Variants in RAPGEF4 observed in about 807,000 individuals in gnomAD.
RAPGEF4 encodes RAP guanine-nucleotide-exchange factor (GEF) 4.
A neutral mutation model predicts 147.9 loss-of-function variants in RAPGEF4; 66 were observed. The observed-to-expected ratio is 0.45, with a 90% CI of 0.37 to 0.55. The LOEUF is 0.55. RAPGEF4 is among the 20% of genes least tolerant of loss of function. RAPGEF4 has a pLI of 0.00. For missense variants in RAPGEF4, 1,071 were observed against 1,257.3 expected (o/e 0.85, Z 2.24); for synonymous variants, 419 against 442.7 (o/e 0.95, Z 0.67).
At chr2:173,032,888 C>T (rs1257086408) in intron 26 of RAPGEF4, among the ~76,000 whole-genome samples, 2 of 152,196 alleles carry the variant, frequency 1.3e-5, no homozygotes, top group East Asian at 3.8e-4. Context: ...AAGCCTCCTC[C>T]CAGATGACCC....
At chr2:172,884,195 A>T (rs1258031525) in intron 4 of RAPGEF4, among the ~76,000 whole-genome samples, 1 of 152,204 alleles carries the variant, frequency 6.6e-6, no homozygotes, top group Non-Finnish European at 1.5e-5. Context: ...CCTTGCTGGG[A>T]GGCTTCTCCT....
At chr2:172,953,527 G>A (rs1480051176) in intron 6 of RAPGEF4, among the ~76,000 whole-genome samples, 1 of 151,818 alleles carries the variant, frequency 6.6e-6, no homozygotes, top group Non-Finnish European at 1.5e-5. Flanking sequence ...TTTCAACTCA[G>A]TGAAATATAC....
At chr2:172,925,777 A>AAGAGAGAGAGAGACAGAGAGAG in intron 6 of RAPGEF4, among the ~76,000 whole-genome samples, 1 of 133,894 alleles carries the variant, frequency 7.5e-6, no homozygotes, top group Non-Finnish European at 1.6e-5. Flanking sequence ...GAAAGAAAGA[A>AAGAGAGAGAGAGACAGAGAGAG]AGAGAGAGAG....
At position 172,816,600 on chromosome 2, in the gene RAPGEF4, A is replaced by G. The variant is rs149061277; in HGVS notation, c.444+2175A>G. On this transcript the variant is annotated intron_variant, in intron 4 of 30. Transcript: ENST00000397081. Reference sequence around the variant, plus strand: ...TTTCCACAGTTCTTTCCCTTAGAGGAAAAATATTTAATAGGGACATTGATA... The same window carrying G: ...TTTCCACAGTTCTTTCCCTTAGAGGGAAAATATTTAATAGGGACATTGATA... Among the ~76,000 whole-genome samples the G allele has an allele frequency of 2.8e-4, 43 of 152,282 alleles. No individual in the cohort carries two copies. The East Asian group carries it at 8.1e-3, about 29-fold the overall frequency.
At chr2:173,017,238 T>A (rs762495848) in intron 20 of RAPGEF4, 34 bp downstream of exon 20, 8 of 1,598,650 alleles carry the variant, frequency 5.0e-6, no homozygotes, top group Non-Finnish European at 6.9e-6. Context: ...TCTGTCTGTG[T>A]CCTGTAGAAT....
In RAPGEF4 at chr2:172,737,883, G is replaced by T. The variant is rs543847032; in HGVS notation, c.65+1835G>T. On this transcript the variant is annotated intron_variant, in intron 1 of 30. Transcript: ENST00000397081. ...ATGAGGATAGGACTATCAGGGATAA[G>T]TGGACAAATGGAAGGAGAAAAAAAA... Among the ~76,000 whole-genome samples, 31 of 152,258 alleles carry T rather than the reference G, an allele frequency of 2.0e-4. 1 individual carries two copies. The South Asian group carries it at 6.4e-3, about 32-fold the overall frequency.
intron 3 of RAPGEF4, among the ~76,000 whole-genome samples, chr2:172,799,862 C>T (rs1686795648): frequency 6.6e-6 from 1 of 152,114 alleles, no homozygotes; most frequent in Admixed American, 6.5e-5. Context: ...TGCTGACACA[C>T]CAGATGTGAA....
chr2:173,025,923 G>T (rs1338365859), intron 23 of RAPGEF4, among the ~76,000 whole-genome samples: 1 of 152,246 alleles, frequency 6.6e-6, no homozygotes, highest in Non-Finnish European at 1.5e-5. Context: ...TTAGTGAGGG[G>T]TCTTCCAGAA....
At chr2:172,923,303 C>T (rs1684951470) in intron 6 of RAPGEF4, among the ~76,000 whole-genome samples, 2 of 152,160 alleles carry the variant, frequency 1.3e-5, no homozygotes, top group Non-Finnish European at 2.9e-5. Flanking sequence ...GAGTCTCACT[C>T]TGCCACCCAG....
intron 4 of RAPGEF4, among the ~76,000 whole-genome samples, chr2:172,907,830 T>A (rs1041675673): frequency 6.6e-6 from 1 of 152,200 alleles, no homozygotes; most frequent in African/African-American, 2.4e-5. Context: ...ATTATTATTA[T>A]TACTACTACT....
chr2:172,849,502 A>T lies in RAPGEF4; in HGVS notation c.444+35077A>T, dbSNP rs149717833. ...TATCAGTAATGAAAGTAAAAGAATA[A>T]CAGAGCCAGTTTTTTATGTTTGCAC... is the stretch of plus-strand genomic sequence containing the variant. On this transcript the variant is annotated intron_variant, in intron 4 of 30. Coordinates refer to ENST00000397081, the MANE Select transcript of RAPGEF4 (RefSeq NM_007023.4). Among the ~76,000 whole-genome samples, 215 of 152,342 alleles carry T rather than the reference A, an allele frequency of 1.4e-3. 1 individual carries two copies. Among genetic ancestry groups the T allele is most frequent in the African/African-American group, 4.8e-3 (199 of 41,582 alleles).
intron 4 of RAPGEF4, among the ~76,000 whole-genome samples, chr2:172,860,756 A>G (rs1229749583): frequency 6.6e-6 from 1 of 152,022 alleles, no homozygotes; most frequent in Non-Finnish European, 1.5e-5. Context: ...CCTGCTAGAA[A>G]CGCATTATAT....
chr2:172,857,397 C>T (rs1339030075), intron 4 of RAPGEF4, among the ~76,000 whole-genome samples: 2 of 152,198 alleles, frequency 1.3e-5, no homozygotes, highest in East Asian at 3.8e-4. Context: ...TCCTTATGCA[C>T]CAGACTCATC....
chr2:172,938,925 A>G (rs1288197367), intron 6 of RAPGEF4, among the ~76,000 whole-genome samples: 1 of 152,250 alleles, frequency 6.6e-6, no homozygotes, highest in Non-Finnish European at 1.5e-5. Context: ...TATAAATGAC[A>G]TCATGCGGCA....
chr2:172,921,287 C>G (rs1684730776), intron 5 of RAPGEF4, among the ~76,000 whole-genome samples: 1 of 152,002 alleles, frequency 6.6e-6, no homozygotes, highest in Non-Finnish European at 1.5e-5. Context: ...CAGGCTTCAC[C>G]ATGTCGGCCA....
intron 6 of RAPGEF4, among the ~76,000 whole-genome samples, chr2:172,924,210 A>T (rs1685043499): frequency 6.6e-6 from 1 of 152,178 alleles, no homozygotes; most frequent in South Asian, 2.1e-4. Context: ...GGAGGGCTGA[A>T]ATGTTCTAGG....
intron 6 of RAPGEF4, among the ~76,000 whole-genome samples, chr2:172,938,470 G>C (rs889842288): frequency 3.9e-5 from 6 of 152,090 alleles, no homozygotes; most frequent in African/African-American, 1.4e-4. Context: ...GGGCCCCCAT[G>C]GGAAACAAAT....
chr2:173,018,779 T>C lies in RAPGEF4; in HGVS notation c.2132T>C (p.Ile711Thr). ...DKLGSGEGLI[I>T]VKMSSGGEKV... is the part of the protein sequence containing the mutation. ...CTGGGCTCCGGGGAGGGCCTGATCA[T>C]AGTCAAGATGAGTTCCGGAGGAGGT... The change falls in exon 22 of 31, where the codon ATA becomes ACA. Residue 711 changes from isoleucine (I) to threonine (T), a missense_variant. Transcript: ENST00000397081. 4 of 1,613,974 alleles carry C rather than the reference T, an allele frequency of 2.5e-6. No individual in the cohort carries two copies. The highest frequency in any genetic ancestry group is 3.3e-4 in the Middle Eastern group (2 of 6,062).
At chr2:172,814,159 T>A (rs578150349) in intron 3 of RAPGEF4, 120 bp from the exon 4 acceptor site, 1 of 982,752 alleles carries the variant, frequency 1.0e-6, no homozygotes, top group East Asian at 2.4e-5. Flanking sequence ...CAAGACTTGT[T>A]GAACTATGCA....
Sources: gnomAD v4.1 joint callset for allele counts (sites outside exome capture counted in the v4.1 genomes callset) on GRCh38, gnomAD v4.1.1 for gene constraint, MANE v1.5 for transcripts, NCBI Gene and HGNC (gene_info 2026-07-23, HGNC 2026-07-21) for gene names.